The following DOP1A variants were observed in gnomAD, a reference collection of about 807,000 sequenced individuals.
DOP1A encodes the protein protein DOP1A.
DOP1A carries 90 observed loss-of-function variants against 267.6 expected under a neutral mutation model. The observed-to-expected ratio is 0.34, with a 90% CI of 0.28 to 0.40. The LOEUF (loss-of-function observed/expected upper bound fraction) is 0.40. Ranked by LOEUF, DOP1A falls within the 10% of genes least tolerant of loss-of-function variation. The probability of loss-of-function intolerance (pLI) is 1.00; values close to 1 mark genes in which losing one functional copy is unlikely to be tolerated. For synonymous variants in DOP1A, 932 were observed against 999.1 expected, an observed-to-expected ratio of 0.93 and a Z score of 1.27; for missense variants, 2,437 against 2,900.4, an observed-to-expected ratio of 0.84 and a Z score of 3.67.
chr6:83,149,184 G>A (rs1781119668), intron 27 of DOP1A, among the ~76,000 whole-genome samples: 1 of 152,136 alleles, frequency 6.6e-6, no homozygotes. Flanking sequence ...GGCTGAAGGG[G>A]AACTTCACAG....
intron 1 of DOP1A, among the ~76,000 whole-genome samples, chr6:83,068,011 G>A (rs2127916044): frequency 6.6e-6 from 1 of 152,328 alleles, no homozygotes; most frequent in South Asian, 2.1e-4. Flanking sequence ...CTGGGGCCGG[G>A]GCCTGGGCCG....
chr6:83,132,081 G>A, intron 17 of DOP1A, 95 bp from the exon 18 acceptor site: 1 of 1,436,502 alleles, frequency 7.0e-7, no homozygotes, highest in Non-Finnish European at 9.5e-7. Context: ...TTTCAGGTCT[G>A]ACAGAGAGCA....
Position 83,152,168 on chromosome 6 carries a change from T to A in DOP1A, c.6050-120T>A, listed in dbSNP as rs1260597769. 29 of 882,396 alleles carry A rather than the reference T, an allele frequency of 3.3e-5. No individual in the cohort carries two copies. In the East Asian group the frequency reaches 5.3e-4, roughly 16 times the overall value. The allele number at this position is 882,396 out of a possible 1,614,324, so 54.7% of individuals were successfully genotyped here. ...AGTAACTTTTTTTCAGTGGGAAAAA[T>A]ATATATATACATATACATATATATA... On this transcript the variant is annotated intron_variant, in intron 29 of 38. Transcript: ENST00000349129.
chr6:83,098,231 AT>A (rs1389864168), intron 3 of DOP1A, among the ~76,000 whole-genome samples: 3 of 152,228 alleles, frequency 2.0e-5, no homozygotes, highest in African/African-American at 7.2e-5. Flanking sequence ...TTGTCTTAAA[AT>A]ACATACTAAG....
chr6:83,123,424 G>T (rs1261752512), intron 12 of DOP1A, among the ~76,000 whole-genome samples: 1 of 151,892 alleles, frequency 6.6e-6, no homozygotes, highest in Non-Finnish European at 1.5e-5. Context: ...CTACCCCTTA[G>T]CAAATAAAGC....
intron 1 of DOP1A, among the ~76,000 whole-genome samples, chr6:83,084,609 G>T (rs866506216): frequency 2.6e-5 from 4 of 152,020 alleles, no homozygotes; most frequent in Non-Finnish European, 4.4e-5. Flanking sequence ...TTGAGACAGA[G>T]TCTTGCTTTG....
intron 24 of DOP1A, among the ~76,000 whole-genome samples, chr6:83,143,336 A>C (rs530483190): frequency 6.6e-6 from 1 of 152,382 alleles, no homozygotes; most frequent in East Asian, 1.9e-4. Context: ...ATTACAGCTG[A>C]TAATATGTAA....
At position 83,139,181 on chromosome 6, in the gene DOP1A, CTTTA is replaced by C. The variant is rs1779246900; in HGVS notation, c.5120+22_5120+25del. 5 of 1,572,360 alleles carry C rather than the reference CTTTA, an allele frequency of 3.2e-6. No homozygotes were observed. The highest frequency in any genetic ancestry group is 4.3e-6 in the Non-Finnish European group (5 of 1,149,542). On this transcript the variant is annotated intron_variant, in intron 21 of 38. Transcript: ENST00000349129. ...ATAGTAGGTAAGAGGTGATTTTTAA[CTTTA>C]TTGGTACTGACATTTTTCACATATA...
At chr6:83,106,817 A>G (rs931194420) in intron 4 of DOP1A, among the ~76,000 whole-genome samples, 5 of 151,572 alleles carry the variant, frequency 3.3e-5, no homozygotes, top group African/African-American at 7.3e-5. Flanking sequence ...AAAAAAAAAA[A>G]AGAGAGAGAG....
chr6:83,165,500 TTAATTAAA>T (rs1785259133), intron 38 of DOP1A: 1 of 154,526 alleles, frequency 6.5e-6, no homozygotes, highest in South Asian at 2.0e-4. Context: ...CAAATCTTTA[TTAATTAAA>T]ATAGGAACCA....
Position 83,096,954 on chromosome 6 carries a change from T to G in DOP1A, c.-24T>G. 1 of 1,611,890 alleles carries G rather than the reference T, an allele frequency of 6.2e-7. No individual in the cohort carries two copies. The highest frequency in any genetic ancestry group is 8.5e-7 in the Non-Finnish European group (1 of 1,179,082). The stretch of plus-strand genomic sequence containing the variant: ...TGACTTTACATGAGTTTGGAACTGG[T>G]CTCTAGTGGGAAGTTGTGGGAGGAT... On this transcript the variant is annotated 5_prime_UTR_variant, in exon 3 of 39. Coordinates refer to ENST00000349129, the MANE Select transcript of DOP1A (RefSeq NM_015018.4).
chr6:83,093,471 T>A (rs1443859586), intron 1 of DOP1A, among the ~76,000 whole-genome samples: 7 of 152,200 alleles, frequency 4.6e-5, no homozygotes, highest in Non-Finnish European at 1.0e-4. Flanking sequence ...TCTCTAGTGG[T>A]TTTTAACCTT....
chr6:83,113,554 CCTT>C lies in DOP1A; in HGVS notation c.780+137_780+139del, dbSNP rs1257486808. On this transcript the variant is annotated intron_variant, in intron 7 of 38. Transcript: ENST00000349129. ...TCAGTAAGCGCATGGAAAATAAGTT[CCTT>C]CTTAAGGAGTGGAATTTGTTGTGAA... 6 of 642,748 alleles carry C rather than the reference CCTT, an allele frequency of 9.3e-6. 1 individual carries two copies. The highest frequency in any genetic ancestry group is 7.3e-5 in the African/African-American group (4 of 54,760). The allele number at this position is 642,748 out of a possible 1,614,324, so 39.8% of individuals were successfully genotyped here.
At chr6:83,078,575 A>G (rs9444030) in intron 1 of DOP1A, among the ~76,000 whole-genome samples, 4,331 of 152,316 alleles carry the variant, frequency 0.028, 152 homozygotes, top group East Asian at 0.084. Flanking sequence ...AATTAGGAAG[A>G]TGATGGTGCT....
At chr6:83,105,598 C>A (rs1008058802) in intron 4 of DOP1A, among the ~76,000 whole-genome samples, 1 of 151,916 alleles carries the variant, frequency 6.6e-6, no homozygotes, top group Non-Finnish European at 1.5e-5. Context: ...CTCCTGACTT[C>A]GTGATCCGCC....
chr6:83,142,817 T>A (rs1235244241), intron 24 of DOP1A, among the ~76,000 whole-genome samples: 1 of 152,150 alleles, frequency 6.6e-6, no homozygotes, highest in East Asian at 1.9e-4. Context: ...AGCTGAGTTA[T>A]ATATGTGAAT....
At chr6:83,164,713 G>A in intron 38 of DOP1A, 1 of 1,591,010 alleles carries the variant, frequency 6.3e-7, no homozygotes, top group Non-Finnish European at 8.6e-7. Context: ...AGATGGCCAA[G>A]CATCAGGTGA....
chr6:83,155,565 G>A (rs1782621250), intron 33 of DOP1A, among the ~76,000 whole-genome samples: 1 of 152,158 alleles, frequency 6.6e-6, no homozygotes, highest in African/African-American at 2.4e-5. Context: ...AGTGAGTTGA[G>A]GGTGAGTAAT....
chr6:83,153,758 A>G (rs1205982151), intron 31 of DOP1A, 136 bp from the exon 32 acceptor site: 11 of 1,170,342 alleles, frequency 9.4e-6, no homozygotes, highest in Non-Finnish European at 1.3e-5. Context: ...AAAAATTCAT[A>G]TATTATTTTT....
Sources: gnomAD v4.1 joint callset for allele counts (sites outside exome capture counted in the v4.1 genomes callset) on GRCh38, gnomAD v4.1.1 for gene constraint, MANE v1.5 for transcripts, NCBI Gene and HGNC (gene_info 2026-07-23, HGNC 2026-07-21) for gene names.